The following RAPGEF5 variants were observed in gnomAD, a reference collection of about 807,000 sequenced individuals.
RAPGEF5 encodes Rap guanine nucleotide exchange factor 5.
A neutral mutation model predicts 125.2 loss-of-function variants in RAPGEF5; 65 were observed. The ratio of observed to expected loss-of-function variants is 0.52; its 90% confidence interval spans 0.43 to 0.64. RAPGEF5 has a LOEUF of 0.64. RAPGEF5 is among the 30% of genes least tolerant of loss of function. The pLI is 0.00. For missense variants in RAPGEF5, 958 were observed against 1,048.1 expected, an observed-to-expected ratio of 0.91 and a Z score of 1.19; for synonymous variants, 391 against 385.9, an observed-to-expected ratio of 1.01 and a Z score of -0.16.
At chr7:22,318,161 T>G in intron 1 of RAPGEF5, 124 bp from the exon 2 acceptor site, 1 of 936,546 alleles carries the variant, frequency 1.1e-6, no homozygotes, top group Non-Finnish European at 1.6e-6. Flanking sequence ...AAAATGAGCT[T>G]AAATCTCAAA....
At chr7:22,249,285 A>G (rs1325094300) in intron 7 of RAPGEF5, among the ~76,000 whole-genome samples, 1 of 152,134 alleles carries the variant, frequency 6.6e-6, no homozygotes, top group East Asian at 1.9e-4. Context: ...TCAGCGTCCC[A>G]GGTTTCAAGC....
chr7:22,304,056 T>C (rs1583564166), intron 5 of RAPGEF5, among the ~76,000 whole-genome samples: 1 of 152,204 alleles, frequency 6.6e-6, no homozygotes, highest in Non-Finnish European at 1.5e-5. Context: ...ACAATGTCCA[T>C]GGACATCTTT....
chr7:22,329,425 G>A (rs1035379440), intron 1 of RAPGEF5, among the ~76,000 whole-genome samples: 3 of 152,150 alleles, frequency 2.0e-5, no homozygotes, highest in Non-Finnish European at 4.4e-5. Flanking sequence ...TGTTGCTAGG[G>A]TATGTTTACT....
intron 3 of RAPGEF5, among the ~76,000 whole-genome samples, chr7:22,310,511 T>C (rs1783443574): frequency 6.6e-6 from 1 of 152,230 alleles, no homozygotes. Context: ...GCCTTTTATA[T>C]AGAGATAATG....
At chr7:22,148,512 A>C (rs1226821967) in intron 18 of RAPGEF5, among the ~76,000 whole-genome samples, 1 of 152,212 alleles carries the variant, frequency 6.6e-6, no homozygotes, top group African/African-American at 2.4e-5. Flanking sequence ...TTCAGGTATT[A>C]TTCTTCCCTT....
chr7:22,264,879 C>G (rs2128141390), intron 7 of RAPGEF5, among the ~76,000 whole-genome samples: 1 of 152,282 alleles, frequency 6.6e-6, no homozygotes, highest in Admixed American at 6.5e-5. Flanking sequence ...ACTGTCATCC[C>G]AACTTGTACG....
chr7:22,143,300 C>T (rs1425011406), intron 20 of RAPGEF5, among the ~76,000 whole-genome samples: 1 of 152,142 alleles, frequency 6.6e-6, no homozygotes. Flanking sequence ...TCAGGAACCT[C>T]CATGGTCTCT....
intron 1 of RAPGEF5, among the ~76,000 whole-genome samples, chr7:22,350,962 G>C (rs1784319078): frequency 6.6e-6 from 1 of 152,124 alleles, no homozygotes. Flanking sequence ...TATCTGATCT[G>C]ACTCACCCTT....
intron 16 of RAPGEF5, among the ~76,000 whole-genome samples, 184 bp from the exon 17 acceptor site, chr7:22,154,788 A>C (rs1783752895): frequency 6.6e-6 from 1 of 152,208 alleles, no homozygotes; most frequent in South Asian, 2.1e-4. Context: ...ATACGTCTAT[A>C]AATGTGTGCT....
intron 7 of RAPGEF5, among the ~76,000 whole-genome samples, chr7:22,259,696 T>C (rs1163525044): frequency 3.3e-5 from 5 of 152,248 alleles, no homozygotes; most frequent in African/African-American, 1.2e-4. Flanking sequence ...GAAAAGATTC[T>C]GAATGCATAT....
intron 20 of RAPGEF5, among the ~76,000 whole-genome samples, chr7:22,142,421 T>C (rs757606027): frequency 6.6e-6 from 1 of 152,234 alleles, no homozygotes; most frequent in Non-Finnish European, 1.5e-5. Context: ...AATTTATCTA[T>C]GTGAAATCTT....
chr7:22,151,075 C>T (rs1000500543), intron 17 of RAPGEF5, among the ~76,000 whole-genome samples: 2 of 152,162 alleles, frequency 1.3e-5, no homozygotes, highest in Non-Finnish European at 2.9e-5. Context: ...ATTATACCAT[C>T]ATTTAATCTT....
At chr7:22,325,423 C>T (rs748942587) in intron 1 of RAPGEF5, among the ~76,000 whole-genome samples, 13 of 152,186 alleles carry the variant, frequency 8.5e-5, no homozygotes, top group Non-Finnish European at 1.8e-4. Context: ...CCCATCGCCA[C>T]CACTGCCCCA....
chr7:22,189,193 C>T (rs1784915420), intron 11 of RAPGEF5, among the ~76,000 whole-genome samples: 1 of 151,126 alleles, frequency 6.6e-6, no homozygotes, highest in Non-Finnish European at 1.5e-5. Context: ...ATCATAAGTA[C>T]ATTTTCTTCA....
chr7:22,355,801 A>C (rs1183539718), intron 1 of RAPGEF5, among the ~76,000 whole-genome samples: 1 of 152,198 alleles, frequency 6.6e-6, no homozygotes. Context: ...CCTCACTCTC[A>C]AGTTTACACA....
intron 1 of RAPGEF5, among the ~76,000 whole-genome samples, chr7:22,318,678 C>T (rs901460318): frequency 2.0e-5 from 3 of 152,190 alleles, no homozygotes; most frequent in Non-Finnish European, 4.4e-5. Context: ...CCTTTAGTCA[C>T]GTCAGTCTTC....
At position 22,122,244 on chromosome 7, in the gene RAPGEF5, A is replaced by C. The variant is rs1014341007; in HGVS notation, c.*162T>G. ...AACCTCTCCCCCTCTCTGGTGGCTG[A>C]CATCACTTCCTGAACACGCTTTGGC... On this transcript the variant is annotated 3_prime_UTR_variant, in exon 26 of 26. Coordinates refer to ENST00000665637, the MANE Select transcript of RAPGEF5 (RefSeq NM_012294.5). 22 of 585,124 alleles carry C rather than the reference A, an allele frequency of 3.8e-5. 2 individuals are homozygous for C. In the Admixed American group the frequency reaches 4.9e-4, roughly 13 times the overall value. The allele number at this position is 585,124 out of a possible 1,614,324, so 36.2% of individuals were successfully genotyped here.
In RAPGEF5 at chr7:22,202,871, T is replaced by A. The variant is rs1284751345; in HGVS notation, c.997-8838A>T. ...CCTGTGAAATGGGATAATCCCTACCTTATAGACCCAGTTGAATACTGGACA... is the reference window on the plus strand; with the variant it reads ...CCTGTGAAATGGGATAATCCCTACCATATAGACCCAGTTGAATACTGGACA... On this transcript the variant is annotated intron_variant, in intron 9 of 25. Coordinates refer to ENST00000665637, the MANE Select transcript of RAPGEF5 (RefSeq NM_012294.5). The A allele has an allele frequency of 9.4e-6, 3 of 318,174 alleles. No individual in the cohort carries two copies. In the East Asian group the frequency reaches 2.9e-4, roughly 31 times the overall value. 19.7% of individuals were successfully genotyped at this position (318,174 alleles called of 1,614,324 possible).
chr7:22,271,457 C>T (rs576868707), intron 6 of RAPGEF5, among the ~76,000 whole-genome samples: 3 of 152,286 alleles, frequency 2.0e-5, no homozygotes, highest in South Asian at 4.1e-4. Context: ...TAAAATTATG[C>T]TATAATCCAA....
Sources: gnomAD v4.1 joint callset for allele counts (sites outside exome capture counted in the v4.1 genomes callset) on GRCh38, gnomAD v4.1.1 for gene constraint, MANE v1.5 for transcripts, NCBI Gene and HGNC (gene_info 2026-07-23, HGNC 2026-07-21) for gene names.